The following DENND4C variants were observed in gnomAD, a reference collection of about 807,000 sequenced individuals.
The protein encoded by DENND4C is DENN domain-containing protein 4C.
In DENND4C, 108 loss-of-function variants were observed where a neutral mutation model predicts 203.0. The observed-to-expected ratio is 0.53, with a 90% CI of 0.46 to 0.62. DENND4C has a LOEUF of 0.62. DENND4C is among the 20% of genes least tolerant of loss of function. DENND4C has a pLI of 0.00. For missense variants in DENND4C, 2,481 were observed against 2,301.2 expected, an observed-to-expected ratio of 1.08 and a Z score of -1.60; for synonymous variants, 871 against 792.4, an observed-to-expected ratio of 1.10 and a Z score of -1.67.
chr9:19,247,658 G>T (rs960486514), intron 1 of DENND4C, among the ~76,000 whole-genome samples: 2 of 152,128 alleles, frequency 1.3e-5, no homozygotes, highest in African/African-American at 2.4e-5. Context: ...CCTCCCAAAG[G>T]ACTAGGTTTA....
intron 30 of DENND4C, among the ~76,000 whole-genome samples, chr9:19,368,436 G>A (rs796466268): frequency 6.6e-5 from 10 of 152,128 alleles, no homozygotes; most frequent in African/African-American, 2.4e-4. Flanking sequence ...GCCGAATTAC[G>A]TTCCTTCTAA....
In DENND4C at chr9:19,314,702, A is replaced by G. The variant is rs559750369; in HGVS notation, c.1488-1715A>G. Among the ~76,000 whole-genome samples the G allele has an allele frequency of 1.3e-5, 2 of 152,346 alleles. 1 individual carries two copies. Among genetic ancestry groups the G allele is most frequent in the South Asian group, 4.1e-4 (2 of 4,832 alleles). On this transcript the variant is annotated intron_variant, in intron 10 of 32. Coordinates refer to ENST00000434457, the MANE Select transcript of DENND4C (RefSeq NM_001330640.2). The stretch of plus-strand genomic sequence containing the variant: ...GTGCTAAAGAAAAATAATACAAAAT[A>G]GAACCTGATTAAAAAATCATTTCAT...
At position 19,290,833 on chromosome 9, in the gene DENND4C, C is replaced by T; in HGVS notation, c.758C>T (p.Pro253Leu). The part of the protein sequence containing the change: ...CWDPETKYPL[P>L]VFSTFVLTGS... ...GATCCTGAAACCAAATATCCACTTC[C>T]AGTTTTTTCAACTTTTGTCTTGACA... Residue 253 changes from proline (P) to leucine (L), a missense_variant, in exon 5 of 33, where the codon CCA becomes CTA. This residue lies in a region of DENND4C where 2,289 missense variants were observed against 2,113.3 expected (regional missense o/e 1.08). Coordinates refer to ENST00000434457, the MANE Select transcript of DENND4C (RefSeq NM_001330640.2). 1 of 1,613,558 alleles carries T rather than the reference C, an allele frequency of 6.2e-7. No individual in the cohort carries two copies. Among genetic ancestry groups the T allele is most frequent in the Non-Finnish European group, 8.5e-7 (1 of 1,179,722 alleles).
intron 10 of DENND4C, among the ~76,000 whole-genome samples, chr9:19,310,514 A>G (rs1193391736): frequency 3.3e-5 from 5 of 152,256 alleles, no homozygotes; most frequent in Non-Finnish European, 1.5e-5. Flanking sequence ...CAGAGACTGT[A>G]TGGTCCTTAA....
intron 1 of DENND4C, among the ~76,000 whole-genome samples, chr9:19,273,573 T>G (rs1198494991): frequency 6.6e-6 from 1 of 151,438 alleles, no homozygotes; most frequent in Non-Finnish European, 1.5e-5. Context: ...CATAAAGAAC[T>G]CAAAACTCAT....
At chr9:19,320,437 G>A (rs1041336275) in intron 12 of DENND4C, among the ~76,000 whole-genome samples, 9 of 152,328 alleles carry the variant, frequency 5.9e-5, no homozygotes, top group South Asian at 2.1e-4. Context: ...GACCTCAGGT[G>A]ATCTGCCTGC....
chr9:19,282,038 T>A (rs1182529357), intron 2 of DENND4C, among the ~76,000 whole-genome samples: 4 of 152,200 alleles, frequency 2.6e-5, no homozygotes, highest in Non-Finnish European at 5.9e-5. Context: ...AGGACATTAC[T>A]GTATACTACT....
At chr9:19,318,336 A>G (rs549337875) in intron 12 of DENND4C, among the ~76,000 whole-genome samples, 48 of 152,258 alleles carry the variant, frequency 3.2e-4, no homozygotes, top group African/African-American at 1.1e-3. Flanking sequence ...ATTAAAAAAT[A>G]AAAATAAATA....
At chr9:19,278,449 T>C (rs1371267573) in intron 2 of DENND4C, among the ~76,000 whole-genome samples, 1 of 152,068 alleles carries the variant, frequency 6.6e-6, no homozygotes, top group Non-Finnish European at 1.5e-5. Context: ...CTCTTTATAG[T>C]TGTTCAGGTA....
At chr9:19,368,123 T>C (rs1017357950) in intron 30 of DENND4C, among the ~76,000 whole-genome samples, 1 of 152,172 alleles carries the variant, frequency 6.6e-6, no homozygotes, top group Non-Finnish European at 1.5e-5. Context: ...TTGAGACTTA[T>C]CTCAATAATT....
intron 2 of DENND4C, among the ~76,000 whole-genome samples, chr9:19,277,276 G>T (rs995327375): frequency 6.6e-6 from 1 of 152,120 alleles, no homozygotes. Context: ...AGATTAATCT[G>T]CAGAGTATTG....
At chr9:19,262,448 C>CTTTTTTTTTTTT (rs59268086) in intron 1 of DENND4C, among the ~76,000 whole-genome samples, 2,244 of 133,886 alleles carry the variant, frequency 0.017, 129 homozygotes, top group African/African-American at 0.06. Context: ...TATATCATAT[C>CTTTTTTTTTTTT]TTTTTTTTTT....
intron 1 of DENND4C, among the ~76,000 whole-genome samples, chr9:19,238,456 CCCCTCCCCTCCCT>C (rs1822613767): frequency 1.7e-5 from 1 of 58,802 alleles, no homozygotes; most frequent in African/African-American, 7.3e-5. Flanking sequence ...TCCTTCCCCT[CCCCTCCCCTCCCT>C]CTCCCCTCCC....
In DENND4C at chr9:19,358,080, T is replaced by C. The variant is rs1825762469; in HGVS notation, c.5080T>C (p.Leu1694=). ...TCGAAGTCACAGTGTTGGAGGCCCATTGCAGAATATTGACTTTACCCAGCG... is the reference window on the plus strand; with the variant it reads ...TCGAAGTCACAGTGTTGGAGGCCCACTGCAGAATATTGACTTTACCCAGCG... ...LTRSHSVGGP[L]QNIDFTQRPF... is the part of the protein sequence containing the mutation. Residue 1694 remains leucine (L), a synonymous_variant, in exon 28 of 33, where the codon TTG becomes CTG. Transcript: ENST00000434457. The surrounding 1 kb of genome is among the most constrained non-coding windows in gnomAD (Gnocchi z 4.8). 2 of 1,613,986 alleles carry C rather than the reference T, an allele frequency of 1.2e-6. No homozygotes were observed. The highest frequency in any genetic ancestry group is 1.7e-6 in the Non-Finnish European group (2 of 1,179,862).
intron 3 of DENND4C, 74 bp downstream of exon 3, chr9:19,287,095 G>A (rs1412455434): frequency 8.5e-7 from 1 of 1,177,788 alleles, no homozygotes; most frequent in African/African-American, 1.6e-5. Flanking sequence ...CCTGTTTACT[G>A]TTGGGTATAT....
chr9:19,304,072 G>T, intron 9 of DENND4C, among the ~76,000 whole-genome samples: 1 of 148,622 alleles, frequency 6.7e-6, no homozygotes, highest in East Asian at 2.0e-4. Context: ...ACCCACAAAT[G>T]ATGCAATTGA....
At chr9:19,261,517 T>G (rs73425094) in intron 1 of DENND4C, among the ~76,000 whole-genome samples, 4,421 of 151,896 alleles carry the variant, frequency 0.029, 214 homozygotes, top group African/African-American at 0.099. Context: ...TTTCCTTTTT[T>G]TTGGAGATAG....
At position 19,316,501 on chromosome 9, in the gene DENND4C, T is replaced by C. The variant is rs1475070921; in HGVS notation, c.1572T>C (p.Tyr524=). The change falls in exon 11 of 33, where the codon TAT becomes TAC. Residue 524 remains tyrosine, a synonymous_variant. Transcript: ENST00000434457. ...TACTTAGCACCTTAAAGAAATTGTATCCCCAGCTGTCTTCAGGTAATGTGA... is the reference window on the plus strand; with the variant it reads ...TACTTAGCACCTTAAAGAAATTGTACCCCCAGCTGTCTTCAGGTAATGTGA... ...KNLLSTLKKL[Y]PQLSSVHQKT... The C allele has an allele frequency of 6.2e-7, 1 of 1,613,310 alleles. No homozygotes were observed. Among genetic ancestry groups the C allele is most frequent in the Non-Finnish European group, 8.5e-7 (1 of 1,179,794 alleles).
At position 19,340,973 on chromosome 9, in the gene DENND4C, T is replaced by A; in HGVS notation, c.2882-19T>A. On this transcript the variant is annotated intron_variant, in intron 20 of 32. Transcript: ENST00000434457. ...GTATATGAAAACATTTATATGTAAG[T>A]CTGCATTCTTTTTAACAGGTGGTCA... 6.3e-7 allele frequency: 1 copy of A among 1,580,346 alleles called. No homozygotes were observed. Among genetic ancestry groups the A allele is most frequent in the Middle Eastern group, 1.7e-4 (1 of 5,880 alleles).
Sources: allele counts gnomAD v4.1 joint callset (sites outside exome capture counted in the v4.1 genomes callset), GRCh38; gene constraint gnomAD v4.1.1; regional missense constraint gnomAD v4.1.1; non-coding constraint Gnocchi (gnomAD v3.1); transcripts MANE v1.5; gene names NCBI Gene and HGNC (gene_info 2026-07-23, HGNC 2026-07-21).